Variants in CDH18 observed in about 807,000 individuals in gnomAD.
CDH18 encodes cadherin 18.
In CDH18, 31 loss-of-function variants were observed where a neutral mutation model predicts 67.9. The ratio of observed to expected loss-of-function variants is 0.46; its 90% CI spans 0.34 to 0.62. The LOEUF (loss-of-function observed/expected upper bound fraction) is 0.62. Among genes scored for constraint, CDH18 ranks in the 20% least tolerant of loss-of-function variants. CDH18 has a pLI of 0.01. For synonymous variants in CDH18, 362 were observed against 347.2 expected (o/e 1.04, Z -0.48); for missense variants, 890 against 975.5 (o/e 0.91, Z 1.17).
intron 8 of CDH18, among the ~76,000 whole-genome samples, chr5:19,558,206 A>G (rs1483939176): frequency 6.6e-6 from 1 of 152,054 alleles, no homozygotes; most frequent in Admixed American, 6.6e-5. Flanking sequence ...AAGGGTACAA[A>G]TAGACAATCT....
intron 1 of CDH18, among the ~76,000 whole-genome samples, chr5:20,259,780 A>T (rs1744508635): frequency 6.6e-6 from 1 of 152,146 alleles, no homozygotes; most frequent in Admixed American, 6.5e-5. Context: ...GTTGTTCAAG[A>T]GTCAACTGTA....
chr5:20,393,397 T>C (rs1745025834), intron 1 of CDH18, among the ~76,000 whole-genome samples: 1 of 152,038 alleles, frequency 6.6e-6, no homozygotes, highest in Admixed American at 6.6e-5. Flanking sequence ...GTTGTTGTTA[T>C]TTTTTAAATA....
At chr5:20,263,629 A>G (rs1226577705) in intron 1 of CDH18, among the ~76,000 whole-genome samples, 1 of 152,194 alleles carries the variant, frequency 6.6e-6, no homozygotes, top group Non-Finnish European at 1.5e-5. Context: ...GTTACAAATA[A>G]TATATGGTTA....
intron 2 of CDH18, among the ~76,000 whole-genome samples, chr5:20,066,040 A>G (rs1175351414): frequency 6.6e-6 from 1 of 152,070 alleles, no homozygotes; most frequent in African/African-American, 2.4e-5. Context: ...TAAAAAATGT[A>G]AAAAGTATGA....
Position 19,652,310 on chromosome 5 carries a change from A to G in CDH18, c.644-39709T>C, listed in dbSNP as rs527910684. On this transcript the variant is annotated intron_variant, in intron 5 of 12. Coordinates refer to ENST00000382275, the MANE Select transcript of CDH18 (RefSeq NM_004934.5). The stretch of plus-strand genomic sequence containing the variant: ...TGAGAGAAATTAGCAAGAGGATAAC[A>G]TAGCAAAATAGGAGGATTTAGCTCA... Among the ~76,000 whole-genome samples, 18 of 152,242 alleles carry G rather than the reference A, an allele frequency of 1.2e-4. No individual in the cohort carries two copies. The East Asian group carries it at 2.5e-3, about 21-fold the overall frequency.
At chr5:20,540,287 T>C (rs1182777131) in intron 1 of CDH18, among the ~76,000 whole-genome samples, 1 of 152,116 alleles carries the variant, frequency 6.6e-6, no homozygotes, top group African/African-American at 2.4e-5. Flanking sequence ...TTCCAGATAG[T>C]ACTAAATTTC....
intron 5 of CDH18, among the ~76,000 whole-genome samples, chr5:19,669,101 C>G (rs1279941392): frequency 6.8e-6 from 1 of 146,792 alleles, no homozygotes; most frequent in African/African-American, 2.5e-5. Flanking sequence ...TTTGTACAAT[C>G]TCACTTATAT....
intron 2 of CDH18, among the ~76,000 whole-genome samples, chr5:20,003,140 G>GA (rs1736585275): frequency 6.6e-6 from 1 of 152,130 alleles, no homozygotes; most frequent in Non-Finnish European, 1.5e-5. Context: ...ATTAGGATGT[G>GA]AAAAGATAAG....
upstream of CDH18, among the ~76,000 whole-genome samples, chr5:19,991,332 A>T (rs1018231794): frequency 1.3e-5 from 2 of 152,226 alleles, no homozygotes; most frequent in Non-Finnish European, 2.9e-5. Flanking sequence ...TTGAGATATC[A>T]TTGGCATAAA....
chr5:19,798,075 G>C (rs1409551685), intron 3 of CDH18, among the ~76,000 whole-genome samples: 1 of 152,054 alleles, frequency 6.6e-6, no homozygotes, highest in Non-Finnish European at 1.5e-5. Flanking sequence ...TAAAATGCCA[G>C]TGAAAGATCC....
At chr5:20,064,539 TTTTA>T (rs1219303853) in intron 2 of CDH18, among the ~76,000 whole-genome samples, 10 of 152,140 alleles carry the variant, frequency 6.6e-5, no homozygotes, top group African/African-American at 2.2e-4. Flanking sequence ...TGCTGTATGA[TTTTA>T]TTTGTGTGTT....
intron 2 of CDH18, among the ~76,000 whole-genome samples, chr5:19,966,445 C>G (rs946600982): frequency 6.6e-6 from 1 of 152,030 alleles, no homozygotes; most frequent in Non-Finnish European, 1.5e-5. Context: ...TATCAGCTAT[C>G]CACATAATTG....
chr5:20,231,929 T>C (rs1296600360), intron 2 of CDH18, among the ~76,000 whole-genome samples: 1 of 152,058 alleles, frequency 6.6e-6, no homozygotes, highest in Non-Finnish European at 1.5e-5. Flanking sequence ...ATCAATAGAT[T>C]TCTATTGTTT....
chr5:19,659,092 T>C (rs1349046577), intron 5 of CDH18, among the ~76,000 whole-genome samples: 1 of 152,184 alleles, frequency 6.6e-6, no homozygotes, highest in African/African-American at 2.4e-5. Context: ...AGGTGGGAAT[T>C]GAACAATGAT....
intron 2 of CDH18, among the ~76,000 whole-genome samples, chr5:20,166,547 C>A (rs548547413): frequency 3.3e-5 from 5 of 152,116 alleles, no homozygotes; most frequent in African/African-American, 9.6e-5. Context: ...AACTGGTTCT[C>A]AAATATTAGC....
At chr5:20,066,147 G>A (rs1561762400) in intron 2 of CDH18, among the ~76,000 whole-genome samples, 1 of 151,910 alleles carries the variant, frequency 6.6e-6, no homozygotes, top group Non-Finnish European at 1.5e-5. Flanking sequence ...AAGCCAAGCT[G>A]GAACATCAAC....
At chr5:20,014,695 A>G (rs533174382) in intron 2 of CDH18, among the ~76,000 whole-genome samples, 23 of 152,270 alleles carry the variant, frequency 1.5e-4, no homozygotes, top group African/African-American at 5.5e-4. Flanking sequence ...AATGTTATGG[A>G]TGAGGAAGTG....
chr5:20,163,105 C>T (rs1297519539), intron 2 of CDH18, among the ~76,000 whole-genome samples: 1 of 151,916 alleles, frequency 6.6e-6, no homozygotes, highest in East Asian at 1.9e-4. Flanking sequence ...TCTGTAGAGC[C>T]TTTATTTAGA....
chr5:20,072,788 TTAATC>T (rs1467880638), intron 2 of CDH18, among the ~76,000 whole-genome samples: 1 of 151,894 alleles, frequency 6.6e-6, no homozygotes, highest in Non-Finnish European at 1.5e-5. Context: ...CTTTGACAAA[TTAATC>T]TATGATTATT....
Sources: gnomAD v4.1 joint callset for allele counts (sites outside exome capture counted in the v4.1 genomes callset) on GRCh38, gnomAD v4.1.1 for gene constraint, MANE v1.5 for transcripts, NCBI Gene and HGNC (gene_info 2026-07-23, HGNC 2026-07-21) for gene names.